Variants in PRPS2 observed in about 807,000 individuals in gnomAD.
The protein encoded by PRPS2 is phosphoribosyl pyrophosphate synthetase 2, also known as ribose-phosphate pyrophosphokinase 2.
For missense variants in PRPS2, 104 were observed against 271.5 expected, an observed-to-expected ratio of 0.38 and a Z score of 4.34; for synonymous variants, 111 against 115.3, an observed-to-expected ratio of 0.96 and a Z score of 0.24.
At chrX:12,807,098 G>A (rs913467768) in intron 2 of PRPS2, among the ~76,000 whole-genome samples, 2 of 27,848 alleles carry the variant, frequency 7.2e-5, no homozygotes, top group African/African-American at 5.7e-4. Context: ...CCTGGGAGGG[G>A]GGAAAAAAAG....
At chrX:12,813,641 G>T in intron 4 of PRPS2, among the ~76,000 whole-genome samples, 1 of 111,480 alleles carries the variant, frequency 9.0e-6, no homozygotes, top group Non-Finnish European at 1.9e-5. Context: ...CTTCCTGTGA[G>T]CTCTGGTTGC....
chrX:12,800,498 G>A (rs1241407203), intron 2 of PRPS2, among the ~76,000 whole-genome samples: 1 of 111,156 alleles, frequency 9.0e-6, no homozygotes, highest in Non-Finnish European at 1.9e-5. Context: ...GTTTTGGGGG[G>A]ATATTGTTTG....
rs1255146069 is a variant in PRPS2 at position 12,799,332 on chromosome X, C to T, written c.248C>T (p.Ser83Phe). 1.7e-6 allele frequency: 2 copies of T among 1,211,488 alleles called. No individual in the cohort carries two copies. Among genetic ancestry groups the T allele is most frequent in the Non-Finnish European group, 2.2e-6 (2 of 895,448 alleles). The change falls in exon 2 of 7, where the codon TCC becomes TTC. Residue 83 changes from serine to phenylalanine, a missense_variant. Physicochemically the swap from Ser to Phe is radical, Grantham distance 155. Transcript: ENST00000380668. The part of the protein sequence containing the change: ...MINACKIASS[S>F]RVTAVIPCFP... ...AATGCCTGCAAGATTGCGTCATCATCCAGAGTAACTGCCGTGATCCCGTGT... is the reference window on the plus strand; with the variant it reads ...AATGCCTGCAAGATTGCGTCATCATTCAGAGTAACTGCCGTGATCCCGTGT...
chrX:12,820,502 T>C (rs1250291919), intron 5 of PRPS2, 142 bp from the exon 6 acceptor site: 2 of 585,363 alleles, frequency 3.4e-6, no homozygotes, highest in Admixed American at 7.8e-5. Context: ...TGAGTGATCC[T>C]ATCTTAGGTT....
intron 1 of PRPS2, among the ~76,000 whole-genome samples, chrX:12,797,476 G>A (rs372812334): frequency 8.9e-6 from 1 of 112,051 alleles, no homozygotes; most frequent in East Asian, 2.8e-4. Context: ...AAATGTGAAT[G>A]AGTGTGGCTC....
intron 1 of PRPS2, among the ~76,000 whole-genome samples, chrX:12,792,187 T>A (rs960197071): frequency 1.7e-4 from 19 of 112,448 alleles, no homozygotes; most frequent in Non-Finnish European, 3.4e-4. Context: ...CCCCCAAGGG[T>A]TTGATCCAAC....
intron 2 of PRPS2, among the ~76,000 whole-genome samples, chrX:12,807,991 C>G (rs1349568335): frequency 1.9e-5 from 2 of 106,974 alleles, no homozygotes; most frequent in Non-Finnish European, 3.8e-5. Flanking sequence ...CCTCAGCCTC[C>G]TAAGTAGTTG....
At chrX:12,803,083 C>T (rs575376028) in intron 2 of PRPS2, among the ~76,000 whole-genome samples, 18 of 112,120 alleles carry the variant, frequency 1.6e-4, no homozygotes, top group African/African-American at 5.8e-4. Context: ...GAAATATGTT[C>T]TCTTAAGTGC....
chrX:12,818,144 G>A (rs867745534), intron 4 of PRPS2, among the ~76,000 whole-genome samples: 1 of 110,238 alleles, frequency 9.1e-6, no homozygotes, highest in Admixed American at 9.7e-5. Flanking sequence ...TGAGGTGGGC[G>A]GATCACCTGA....
At chrX:12,799,829 T>C (rs371345206) in intron 2 of PRPS2, among the ~76,000 whole-genome samples, 1 of 111,364 alleles carries the variant, frequency 9.0e-6, no homozygotes, top group Admixed American at 9.6e-5. Flanking sequence ...GTTCACAGGA[T>C]CTCTGCGTTG....
At chrX:12,807,937 G>A (rs982138578) in intron 2 of PRPS2, among the ~76,000 whole-genome samples, 2 of 100,908 alleles carry the variant, frequency 2.0e-5, no homozygotes, top group Non-Finnish European at 4.0e-5. Flanking sequence ...GTGCCATCTC[G>A]GCTCACTGCA....
intron 4 of PRPS2, among the ~76,000 whole-genome samples, chrX:12,811,674 C>T (rs1208439718): frequency 1.8e-5 from 2 of 112,037 alleles, no homozygotes; most frequent in Non-Finnish European, 3.8e-5. Context: ...TGTCTGACAT[C>T]AAAAGCCTGT....
At chrX:12,818,297 G>A (rs73441220) in intron 4 of PRPS2, among the ~76,000 whole-genome samples, 2,730 of 106,039 alleles carry the variant, frequency 0.026, 118 homozygotes, top group African/African-American at 0.089. Context: ...GAACCCAGGA[G>A]GCAGAGGTTG....
intron 6 of PRPS2, among the ~76,000 whole-genome samples, chrX:12,822,261 A>G (rs1338584196): frequency 3.6e-5 from 4 of 112,025 alleles, no homozygotes; most frequent in Non-Finnish European, 7.5e-5. Context: ...TCTGGCTTCC[A>G]AGGTCAAATA....
intron 2 of PRPS2, among the ~76,000 whole-genome samples, chrX:12,806,551 C>T (rs1260067644): frequency 8.9e-6 from 1 of 112,334 alleles, no homozygotes; most frequent in Non-Finnish European, 1.9e-5. Context: ...ATTTTTCCTG[C>T]AAGATTCAGT....
At chrX:12,795,921 C>T (rs138751721) in intron 1 of PRPS2, among the ~76,000 whole-genome samples, 4 of 112,583 alleles carry the variant, frequency 3.6e-5, no homozygotes, top group Non-Finnish European at 5.6e-5. Context: ...TCTTTCTATC[C>T]CCCTCATCCT....
chrX:12,819,701 AG>A lies in PRPS2; in HGVS notation c.704+22del, dbSNP rs761294042. Reference sequence around the variant, plus strand: ...GACAAGTACGCAGGGCGGTGGGGAAAGCGTTAGGACTTCTCACTAGGAAAGG... The same window carrying A: ...GACAAGTACGCAGGGCGGTGGGGAAACGTTAGGACTTCTCACTAGGAAAGG... On this transcript the variant is annotated intron_variant, in intron 5 of 6. Transcript: ENST00000380668. The A allele has an allele frequency of 3.3e-6, 4 of 1,200,193 alleles. No homozygotes were observed. The Admixed American group carries it at 6.7e-5, about 20-fold the overall frequency.
chrX:12,809,965 CA>C (rs754637532), intron 3 of PRPS2, 56 bp from the exon 4 acceptor site: 100 of 1,090,273 alleles, frequency 9.2e-5, no homozygotes, highest in Non-Finnish European at 1.2e-4. Context: ...TTTAAAAAAA[CA>C]AAAGAAAACA....
chrX:12,815,643 T>TTTTG (rs1210904642), intron 4 of PRPS2, among the ~76,000 whole-genome samples: 1 of 111,520 alleles, frequency 9.0e-6, no homozygotes, highest in Non-Finnish European at 1.9e-5. Context: ...GTACGTGTTT[T>TTTTG]TTTGTTTGTT....
Sources: allele counts gnomAD v4.1 joint callset (sites outside exome capture counted in the v4.1 genomes callset), GRCh38; gene constraint gnomAD v4.1.1; transcripts MANE v1.5; gene names NCBI Gene and HGNC (gene_info 2026-07-23, HGNC 2026-07-21).